Variants in ASIC2 observed in about 807,000 individuals in gnomAD.
ASIC2 encodes acid sensing ion channel subunit 2.
In ASIC2, 25 loss-of-function variants were observed where a neutral mutation model predicts 57.3. The observed-to-expected ratio is 0.44, with a 90% CI of 0.32 to 0.61. ASIC2 has a LOEUF of 0.61. Ranked by LOEUF, ASIC2 falls within the 20% of genes least tolerant of loss-of-function variation. The pLI is 0.06. For synonymous variants in ASIC2, 319 were observed against 307.5 expected, an observed-to-expected ratio of 1.04 and a Z score of -0.39; for missense variants, 641 against 738.1, an observed-to-expected ratio of 0.87 and a Z score of 1.52.
At chr17:33,672,958 C>A (rs777945023) in intron 1 of ASIC2, among the ~76,000 whole-genome samples, 4 of 152,208 alleles carry the variant, frequency 2.6e-5, no homozygotes, top group Non-Finnish European at 4.4e-5. Flanking sequence ...TAAAATAAAG[C>A]ATGCCACATA....
At chr17:33,714,237 A>G (rs1909141084) in intron 1 of ASIC2, among the ~76,000 whole-genome samples, 1 of 152,256 alleles carries the variant, frequency 6.6e-6, no homozygotes, top group East Asian at 1.9e-4. Context: ...TATACAGTAC[A>G]CTTAAGGTAC....
intron 1 of ASIC2, among the ~76,000 whole-genome samples, chr17:33,385,305 C>T (rs1158005009): frequency 6.6e-6 from 1 of 152,138 alleles, no homozygotes; most frequent in African/African-American, 2.4e-5. Context: ...CCCTGAGCCC[C>T]TCCCTTTGGG....
At chr17:33,184,721 G>A (rs1469555592) in intron 1 of ASIC2, among the ~76,000 whole-genome samples, 1 of 152,082 alleles carries the variant, frequency 6.6e-6, no homozygotes, top group Non-Finnish European at 1.5e-5. Flanking sequence ...GCCTTTCAGG[G>A]GTAAGCACCT....
chr17:33,835,877 A>T (rs957807335), intron 1 of ASIC2, among the ~76,000 whole-genome samples: 4 of 151,116 alleles, frequency 2.6e-5, no homozygotes, highest in African/African-American at 9.7e-5. Flanking sequence ...TGAAATCTTG[A>T]GCTCAAGTGA....
chr17:33,458,410 G>A (rs1912525593), intron 1 of ASIC2, among the ~76,000 whole-genome samples: 1 of 151,454 alleles, frequency 6.6e-6, no homozygotes. Flanking sequence ...AAACTTTTAT[G>A]TTTGGAGTTT....
intron 1 of ASIC2, among the ~76,000 whole-genome samples, chr17:33,452,650 C>T (rs1171904024): frequency 3.3e-5 from 5 of 151,820 alleles, no homozygotes. Context: ...CCATGCACGA[C>T]CTCTATTCTG....
intron 4 of ASIC2, among the ~76,000 whole-genome samples, chr17:33,026,274 G>A (rs561969985): frequency 3.5e-4 from 53 of 152,340 alleles, no homozygotes; most frequent in Admixed American, 2.6e-4. Flanking sequence ...GCCAGCTCCC[G>A]TGGGTGACAG....
rs958780797 is a variant in ASIC2, at chr17:34,111,239, T to C, written c.555+44739A>G. Reference sequence around the variant, plus strand: ...AGACTCCATCTCAAAAAAACATATATATACACACATATATATAATAGTATA... The same window carrying C: ...AGACTCCATCTCAAAAAAACATATACATACACACATATATATAATAGTATA... On this transcript the variant is annotated intron_variant, in intron 1 of 9. Transcript: ENST00000359872. 4.7e-5 allele frequency among the ~76,000 whole-genome samples: 7 copies of C among 148,768 alleles called. No homozygotes were observed. The South Asian group carries it at 1.5e-3, about 31-fold the overall frequency.
intron 1 of ASIC2, among the ~76,000 whole-genome samples, chr17:33,621,455 G>C (rs1905794693): frequency 6.6e-6 from 1 of 152,212 alleles, no homozygotes; most frequent in Non-Finnish European, 1.5e-5. Flanking sequence ...TCCATTTTAG[G>C]AGAATTGGGG....
At chr17:33,934,972 A>C (rs564896260) in intron 1 of ASIC2, among the ~76,000 whole-genome samples, 1 of 152,282 alleles carries the variant, frequency 6.6e-6, no homozygotes, top group East Asian at 1.9e-4. Flanking sequence ...CTGACATGCA[A>C]ATGACCATGG....
intron 1 of ASIC2, chr17:34,155,832 T>C: frequency 1.1e-6 from 1 of 895,382 alleles, no homozygotes; most frequent in South Asian, 1.8e-5. Flanking sequence ...CGCACAACTC[T>C]GACCAACTAC....
chr17:33,897,041 C>T (rs1221956005), intron 1 of ASIC2, among the ~76,000 whole-genome samples: 1 of 152,152 alleles, frequency 6.6e-6, no homozygotes, highest in Admixed American at 6.5e-5. Flanking sequence ...TAAAGTTTTA[C>T]TAAAGCTCCC....
intron 1 of ASIC2, among the ~76,000 whole-genome samples, chr17:33,664,597 T>C (rs1907409657): frequency 6.6e-6 from 1 of 152,164 alleles, no homozygotes; most frequent in Non-Finnish European, 1.5e-5. Context: ...CTTGGCCCAC[T>C]GTCAGGCAGC....
At chr17:33,795,074 C>A (rs1187259377) in intron 1 of ASIC2, among the ~76,000 whole-genome samples, 1 of 152,216 alleles carries the variant, frequency 6.6e-6, no homozygotes, top group East Asian at 1.9e-4. Context: ...GTAATCAGAG[C>A]AAAGCTGGAG....
In ASIC2 at chr17:34,053,999, C is replaced by T. The variant is rs190406861; in HGVS notation, c.555+101979G>A. 7.2e-5 allele frequency among the ~76,000 whole-genome samples: 11 copies of T among 152,278 alleles called. No homozygotes were observed. The East Asian group carries it at 1.5e-3, about 21-fold the overall frequency. On this transcript the variant is annotated intron_variant, in intron 1 of 9. Coordinates refer to the ASIC2 transcript ENST00000359872. ...CCCCAGCATAAGAGACAATGGAAAACGAGAGCAAAGGACTCAGACCAGAGC... is the reference window on the plus strand; with the variant it reads ...CCCCAGCATAAGAGACAATGGAAAATGAGAGCAAAGGACTCAGACCAGAGC...
At chr17:33,019,231 A>G (rs1233680013) in intron 7 of ASIC2, among the ~76,000 whole-genome samples, 1 of 151,788 alleles carries the variant, frequency 6.6e-6, no homozygotes, top group African/African-American at 2.4e-5. Flanking sequence ...AGCAGGCAGG[A>G]GGTCTGGCTG....
At chr17:33,137,316 A>T (rs1251135069) in intron 1 of ASIC2, among the ~76,000 whole-genome samples, 2 of 152,220 alleles carry the variant, frequency 1.3e-5, no homozygotes, top group African/African-American at 4.8e-5. Flanking sequence ...TTATTATGCC[A>T]ATGTGCATTG....
intron 1 of ASIC2, among the ~76,000 whole-genome samples, chr17:33,235,623 A>T (rs1406858626): frequency 6.6e-6 from 1 of 152,162 alleles, no homozygotes; most frequent in Non-Finnish European, 1.5e-5. Flanking sequence ...GAGTGTTCAG[A>T]GGAGCCCTCT....
chr17:33,287,037 C>G (rs543137018), intron 1 of ASIC2, among the ~76,000 whole-genome samples: 1 of 152,274 alleles, frequency 6.6e-6, no homozygotes, highest in African/African-American at 2.4e-5. Flanking sequence ...ACTATGAATA[C>G]TATAGTAAAT....
Sources: allele counts gnomAD v4.1 joint callset (sites outside exome capture counted in the v4.1 genomes callset), GRCh38; gene constraint gnomAD v4.1.1; transcripts MANE v1.5; gene names NCBI Gene and HGNC (gene_info 2026-07-23, HGNC 2026-07-21).